The following TMEM259 variants were observed in gnomAD, a reference collection of about 807,000 sequenced individuals.
TMEM259 encodes membralin.
A neutral mutation model predicts 46.7 loss-of-function variants in TMEM259; 26 were observed. The ratio of observed to expected loss-of-function variants is 0.56; its 90% CI spans 0.41 to 0.77. The LOEUF (loss-of-function observed/expected upper bound fraction) is 0.77, where lower values mean the gene tolerates loss of function less well. Ranked by LOEUF, TMEM259 falls within the 30% of genes least tolerant of loss-of-function variation. The pLI is 0.00. For missense variants in TMEM259, 930 were observed against 900.5 expected, an observed-to-expected ratio of 1.03 and a Z score of -0.42; for synonymous variants, 494 against 395.1, an observed-to-expected ratio of 1.25 and a Z score of -2.97.
At chr19:1,012,241 G>A in intron 4 of TMEM259, 53 bp from the exon 5 acceptor site, 3 of 1,557,518 alleles carry the variant, frequency 1.9e-6, no homozygotes, top group Non-Finnish European at 2.6e-6. Context: ...CACCCCCTGG[G>A]CCCTGCCCCA....
rs1233193208 is a variant in TMEM259, at chr19:1,020,528, C to G, written c.225+244G>C. 1.3e-5 allele frequency among the ~76,000 whole-genome samples: 2 copies of G among 152,098 alleles called. No homozygotes were observed. Among genetic ancestry groups the G allele is most frequent in the Non-Finnish European group, 2.9e-5 (2 of 68,016 alleles). On this transcript the variant is annotated intron_variant, in intron 1 of 10. Coordinates refer to ENST00000356663, the MANE Select transcript of TMEM259 (RefSeq NM_001033026.2). This position sits in a 1 kb window ranked among gnomAD's most constrained non-coding sequence, Gnocchi z 4.0. ...TAGAGAACAGCGGCTTCTAGTGCAG[C>G]GGGATCCGGCCTTCCCGGGTGGACG... is the stretch of plus-strand genomic sequence containing the variant.
rs1291004797 is a variant in TMEM259 at position 1,010,171 on chromosome 19, C to G, written c.*179G>C. 2 of 584,868 alleles carry G rather than the reference C, an allele frequency of 3.4e-6. No homozygotes were observed. The highest frequency in any genetic ancestry group is 5.7e-6 in the Non-Finnish European group (2 of 352,000). The allele number at this position is 584,868 out of a possible 1,614,324, so 36.2% of individuals were successfully genotyped here. On this transcript the variant is annotated 3_prime_UTR_variant, in exon 11 of 11. Coordinates refer to ENST00000356663, the MANE Select transcript of TMEM259 (RefSeq NM_001033026.2). ...CTCACTAGCGGGTACAAGCCTCGGG[C>G]GCGACCTCACACCAGGGGGAGGAAA...
rs1035479606 is a variant in TMEM259, at chr19:1,009,933, G to A, written c.*417C>T. 1.5e-5 allele frequency: 5 copies of A among 329,164 alleles called. No homozygotes were observed. The highest frequency in any genetic ancestry group is 7.3e-5 in the South Asian group (1 of 13,688). The allele number at this position is 329,164 out of a possible 1,614,324, so 20.4% of individuals were successfully genotyped here. On this transcript the variant is annotated 3_prime_UTR_variant, in exon 11 of 11. Coordinates refer to ENST00000356663, the MANE Select transcript of TMEM259 (RefSeq NM_001033026.2). The stretch of plus-strand genomic sequence containing the variant: ...CGGGGCCATGGAGAAGGCACTGCAG[G>A]GAGCACCAGGCAGAGCCGGGCTGAG...
At position 1,009,875 on chromosome 19, in the gene TMEM259, G is replaced by A; in HGVS notation, c.*475C>T. 2.5e-6 allele frequency: 1 copy of A among 395,774 alleles called. No individual in the cohort carries two copies. The highest frequency in any genetic ancestry group is 4.5e-6 in the Non-Finnish European group (1 of 222,802). The allele number at this position is 395,774 out of a possible 1,614,324, so 24.5% of individuals were successfully genotyped here. A position where few individuals can be genotyped will look rare whatever the true frequency, so the allele number is the denominator to read the frequency against. On this transcript the variant is annotated 3_prime_UTR_variant, in exon 11 of 11. Transcript: ENST00000356663. Reference sequence around the variant, plus strand: ...CCGAGGCGCAAGCTCTGCTCTCCCGGGGACCCCAAGCCTGGCGCACACGCG... The same window carrying A: ...CCGAGGCGCAAGCTCTGCTCTCCCGAGGACCCCAAGCCTGGCGCACACGCG...
chr19:1,011,639 A>G lies in TMEM259; in HGVS notation c.1025T>C (p.Met342Thr), dbSNP rs1410326297. The G allele has an allele frequency of 6.5e-7, 1 of 1,546,706 alleles. No individual in the cohort carries two copies. The highest frequency in any genetic ancestry group is 8.7e-7 in the Non-Finnish European group (1 of 1,145,070). ...TGCGGGGAAGGCGATGGCCATGTTC[A>G]TCTCCAGCATCTGCAGCAGGTCCAC... The part of the protein sequence containing the change: ...FIVDLLQMLE[M>T]NMAIAFPAAP... The change falls in exon 8 of 11, where the codon ATG becomes ACG. Residue 342 changes from methionine to threonine, a missense_variant. Physicochemically the swap from Met to Thr is moderately conservative, Grantham distance 81. Coordinates refer to ENST00000356663, the MANE Select transcript of TMEM259 (RefSeq NM_001033026.2).
chr19:1,011,281 CCCCCGCCTCCAGCG>C, intron 9 of TMEM259, 72 bp downstream of exon 9: 2 of 1,537,808 alleles, frequency 1.3e-6, no homozygotes, highest in Admixed American at 3.9e-5. Context: ...GCAGCCACCA[CCCCCGCCTCCAGCG>C]CCCCTCCCTC....
At chr19:1,019,223 C>T (rs1297617714) in intron 1 of TMEM259, among the ~76,000 whole-genome samples, 1 of 152,180 alleles carries the variant, frequency 6.6e-6, no homozygotes, top group Admixed American at 6.5e-5. Flanking sequence ...GACCAGGGCC[C>T]AGGCGACAGG....
chr19:1,011,784 G>A lies in TMEM259; in HGVS notation c.957C>T (p.Ser319=), dbSNP rs980846751. Reference sequence around the variant, plus strand: ...GGTGGTGTGAGTACCGCAGCAGCATGGACACGCTCAGCGTCTGCAAGGGGC... The same window carrying A: ...GGTGGTGTGAGTACCGCAGCAGCATAGACACGCTCAGCGTCTGCAAGGGGC... ...AIMVIFTLSV[S]MLLRYSHHQI... Residue 319 remains serine (S), a synonymous_variant, in exon 7 of 11, where the codon TCC becomes TCT. Coordinates refer to ENST00000356663, the MANE Select transcript of TMEM259 (RefSeq NM_001033026.2). 5.1e-6 allele frequency: 8 copies of A among 1,572,182 alleles called. No individual in the cohort carries two copies. In the Admixed American group the frequency reaches 7.4e-5, roughly 14 times the overall value.
rs916376498 is a variant in TMEM259, at chr19:1,009,911, G to C, written c.*439C>G. 2.9e-6 allele frequency: 1 copy of C among 348,166 alleles called. No individual in the cohort carries two copies. The highest frequency in any genetic ancestry group is 4.9e-5 in the East Asian group (1 of 20,556). 21.6% of individuals were successfully genotyped at this position (348,166 alleles called of 1,614,324 possible). A position where few individuals can be genotyped will look rare whatever the true frequency, so the allele number is the denominator to read the frequency against. On this transcript the variant is annotated 3_prime_UTR_variant, in exon 11 of 11. Transcript: ENST00000356663. ...CCTGGCGCACACGCGGGGAGGGCGG[G>C]GCCATGGAGAAGGCACTGCAGGGAG...
intron 1 of TMEM259, among the ~76,000 whole-genome samples, chr19:1,016,202 G>A (rs2039105969): frequency 6.6e-6 from 1 of 152,232 alleles, no homozygotes; most frequent in Non-Finnish European, 1.5e-5. Flanking sequence ...AATGAGGGGT[G>A]GGCGGGGGGA....
rs902311734 is a variant in TMEM259 at position 1,014,549 on chromosome 19, C to T, written c.226-76G>A. On this transcript the variant is annotated intron_variant, in intron 1 of 10. Transcript: ENST00000356663. ...ACACCCAAGGGCCTACGTGATGGGG[C>T]GTGATGGGGCGCGCTGGGACGCCCA... 21 of 1,363,536 alleles carry T rather than the reference C, an allele frequency of 1.5e-5. No individual in the cohort carries two copies. In the East Asian group the frequency reaches 4.9e-4, roughly 32 times the overall value. 84.5% of individuals were successfully genotyped at this position (1,363,536 alleles called of 1,614,324 possible). A position where few individuals can be genotyped will look rare whatever the true frequency, so the allele number is the denominator to read the frequency against.
intron 1 of TMEM259, among the ~76,000 whole-genome samples, chr19:1,016,283 G>A (rs979724494): frequency 6.6e-6 from 1 of 152,212 alleles, no homozygotes; most frequent in Non-Finnish European, 1.5e-5. Context: ...GTGTGGAAGG[G>A]GGGCAGCCCC....
chr19:1,010,500 G>A lies in TMEM259; in HGVS notation c.1713C>T (p.Gly571=). ...LLERRPASPL[G]PAGGLPHAPQ... is the part of the protein sequence containing the mutation. ...GGGCGTGGGGGAGGCCCCCAGCAGG[G>A]CCCAGCGGGCTGGCTGGACGCCGCT... Residue 571 remains glycine, a synonymous_variant, in exon 11 of 11, where the codon GGC becomes GGT. Transcript: ENST00000356663. 2 of 1,547,304 alleles carry A rather than the reference G, an allele frequency of 1.3e-6. No homozygotes were observed. The highest frequency in any genetic ancestry group is 1.7e-6 in the Non-Finnish European group (2 of 1,146,240).
At position 1,010,389 on chromosome 19, in the gene TMEM259, G is replaced by A; in HGVS notation, c.1824C>T (p.Ser608=). The A allele has an allele frequency of 5.3e-6, 8 of 1,510,008 alleles. No homozygotes were observed. Among genetic ancestry groups the A allele is most frequent in the Non-Finnish European group, 7.0e-6 (8 of 1,136,350 alleles). 93.5% of individuals were successfully genotyped at this position (1,510,008 alleles called of 1,614,324 possible). A position where few individuals can be genotyped will look rare whatever the true frequency, so the allele number is the denominator to read the frequency against. Reference sequence around the variant, plus strand: ...CCGAGGGCGCCTCCGTTGGGGCCATGGAGGCCGGGCTAGGCCCGCCTACCG... The same window carrying A: ...CCGAGGGCGCCTCCGTTGGGGCCATAGAGGCCGGGCTAGGCCCGCCTACCG... ...GAAVGGPSPA[S]MAPTEAPSEV... Residue 608 remains serine, a synonymous_variant, in exon 11 of 11, where the codon TCC becomes TCT. Coordinates refer to ENST00000356663, the MANE Select transcript of TMEM259 (RefSeq NM_001033026.2).
At chr19:1,018,295 T>A (rs2039176005) in intron 1 of TMEM259, among the ~76,000 whole-genome samples, 1 of 152,202 alleles carries the variant, frequency 6.6e-6, no homozygotes, top group Non-Finnish European at 1.5e-5. Flanking sequence ...CCCCAGCACC[T>A]GGCACTGCCT....
chr19:1,010,959 G>A, intron 10 of TMEM259, 64 bp from the exon 11 acceptor site: 2 of 1,560,430 alleles, frequency 1.3e-6, no homozygotes, highest in Non-Finnish European at 1.7e-6. Flanking sequence ...GCTGCTCCCA[G>A]AGGGCAGCCC....
At position 1,010,181 on chromosome 19, in the gene TMEM259, C is replaced by T. The variant is rs2038852979; in HGVS notation, c.*169G>A. The T allele has an allele frequency of 3.2e-6, 2 of 629,666 alleles. No homozygotes were observed. The highest frequency in any genetic ancestry group is 4.9e-5 in the South Asian group (2 of 40,680). The allele number at this position is 629,666 out of a possible 1,614,324, so 39.0% of individuals were successfully genotyped here. A position where few individuals can be genotyped will look rare whatever the true frequency, so the allele number is the denominator to read the frequency against. Reference sequence around the variant, plus strand: ...GGTACAAGCCTCGGGCGCGACCTCACACCAGGGGGAGGAAAGCCGCCTTCC... The same window carrying T: ...GGTACAAGCCTCGGGCGCGACCTCATACCAGGGGGAGGAAAGCCGCCTTCC... On this transcript the variant is annotated 3_prime_UTR_variant, in exon 11 of 11. Coordinates refer to ENST00000356663, the MANE Select transcript of TMEM259 (RefSeq NM_001033026.2).
intron 1 of TMEM259, among the ~76,000 whole-genome samples, chr19:1,017,108 G>C (rs755091676): frequency 6.6e-6 from 1 of 152,004 alleles, no homozygotes; most frequent in South Asian, 2.1e-4. Context: ...ACAAAACAAG[G>C]AGCAGGCACC....
At position 1,012,449 on chromosome 19, in the gene TMEM259, C is replaced by T; in HGVS notation, c.718+14G>A. On this transcript the variant is annotated intron_variant, in intron 4 of 10. Transcript: ENST00000356663. ...CCGCCATGGAGCTCCCCAAGCCCAGCAGCTCAGACTCACCCAGGGTGACCA... is the reference window on the plus strand; with the variant it reads ...CCGCCATGGAGCTCCCCAAGCCCAGTAGCTCAGACTCACCCAGGGTGACCA... The T allele has an allele frequency of 6.3e-7, 1 of 1,582,506 alleles. No homozygotes were observed. Among genetic ancestry groups the T allele is most frequent in the Non-Finnish European group, 8.6e-7 (1 of 1,166,710 alleles).
Sources: allele counts gnomAD v4.1 joint callset (sites outside exome capture counted in the v4.1 genomes callset), GRCh38; gene constraint gnomAD v4.1.1; non-coding constraint Gnocchi (gnomAD v3.1); transcripts MANE v1.5; gene names NCBI Gene and HGNC (gene_info 2026-07-23, HGNC 2026-07-21).